Variants in PADI4 observed in about 807,000 individuals in gnomAD.
PADI4 encodes protein-arginine deiminase type-4.
Under a neutral mutation model 75.0 loss-of-function variants are expected in PADI4, and 62 were observed. The observed-to-expected ratio is 0.83, with a 90% confidence interval of 0.67 to 1.02. PADI4 has a LOEUF of 1.02. PADI4 is among the 50% of genes least tolerant of loss of function. The pLI, the probability that PADI4 is intolerant of heterozygous loss-of-function variation, is 0.00. For synonymous variants in PADI4, 361 were observed against 348.1 expected (o/e 1.04, Z -0.41); for missense variants, 845 against 850.5 (o/e 0.99, Z 0.08).
Position 17,331,019 on chromosome 1 carries a change from T to A in PADI4, c.143T>A (p.Val48Glu). The A allele has an allele frequency of 1.9e-6, 3 of 1,604,800 alleles. No homozygotes were observed. Among genetic ancestry groups the A allele is most frequent in the Non-Finnish European group, 2.6e-6 (3 of 1,175,904 alleles). Residue 48 changes from valine to glutamate, a missense_variant, in exon 2 of 16, where the codon GTG becomes GAG. Coordinates refer to ENST00000375448, the MANE Select transcript of PADI4 (RefSeq NM_012387.3). ...TTCAGCATCAACGCCTCCCCAGGGGTGGTCGTGGATATTGCCCACGGCCCT... is the reference window on the plus strand; with the variant it reads ...TTCAGCATCAACGCCTCCCCAGGGGAGGTCGTGGATATTGCCCACGGCCCT... ...TSFSINASPG[V>E]VVDIAHGPPA...
In PADI4 at chr1:17,346,137, CA is replaced by C; in HGVS notation, c.1046del (p.Gln349ArgfsTer28). ...EEENMDDQWM[Q>X]DEMEIGYIQA... ...GGAGAACATGGATGACCAGTGGATG[CA>C]GGTATGTGCCCTGCGGGGCAGGCAG... On this transcript the variant is annotated frameshift_variant and splice_region_variant, in exon 9 of 16. Coordinates refer to ENST00000375448, the MANE Select transcript of PADI4 (RefSeq NM_012387.3). LOFTEE classifies it high-confidence loss of function. The surrounding 1 kb of genome is among the most constrained non-coding windows in gnomAD (Gnocchi z 4.3). 1 of 1,601,522 alleles carries C rather than the reference CA, an allele frequency of 6.2e-7. No individual in the cohort carries two copies. Among genetic ancestry groups the C allele is most frequent in the Non-Finnish European group, 8.6e-7 (1 of 1,168,848 alleles).
At chr1:17,339,055 G>T (rs760554118) in intron 5 of PADI4, among the ~76,000 whole-genome samples, 1 of 152,106 alleles carries the variant, frequency 6.6e-6, no homozygotes, top group Non-Finnish European at 1.5e-5. Flanking sequence ...ACCATTCTAC[G>T]GTGGGTACAA....
At position 17,342,389 on chromosome 1, in the gene PADI4, G is replaced by T; in HGVS notation, c.922G>T (p.Val308Leu). The part of the protein sequence containing the change: ...MTPNTQPPQE[V>L]YACSIFENED... ...CCCCAACACCCAGCCCCCGCAGGAG[G>T]TGTACGCGTGCAGGTGAGAGGTCCT... is the stretch of plus-strand genomic sequence containing the variant. Residue 308 changes from valine to leucine, a missense_variant, in exon 8 of 16, where the codon GTG becomes TTG. Val to Leu is a conservative substitution (Grantham distance 32, BLOSUM62 1). Coordinates refer to ENST00000375448, the MANE Select transcript of PADI4 (RefSeq NM_012387.3). 1.2e-6 allele frequency: 2 copies of T among 1,611,090 alleles called. No individual in the cohort carries two copies. Among genetic ancestry groups the T allele is most frequent in the East Asian group, 4.5e-5 (2 of 44,864 alleles).
intron 1 of PADI4, among the ~76,000 whole-genome samples, chr1:17,325,328 C>G (rs1013929005): frequency 6.6e-6 from 1 of 151,986 alleles, no homozygotes; most frequent in South Asian, 2.1e-4. Flanking sequence ...ATCCTAGGTA[C>G]TTTACAGTAT....
intron 10 of PADI4, 58 bp from the exon 11 acceptor site, chr1:17,354,475 G>T: frequency 6.5e-7 from 1 of 1,530,290 alleles, no homozygotes; most frequent in South Asian, 1.1e-5. Context: ...TGGACCCCCC[G>T]ACCCTTCACC....
At chr1:17,341,770 G>C (rs2074422627) in intron 6 of PADI4, among the ~76,000 whole-genome samples, 173 bp from the exon 7 acceptor site, 1 of 152,228 alleles carries the variant, frequency 6.6e-6, no homozygotes, top group South Asian at 2.1e-4. Flanking sequence ...CAGCGTCCCA[G>C]CTAGAACTTC....
At chr1:17,329,069 A>G (rs4920363) in intron 1 of PADI4, among the ~76,000 whole-genome samples, 82,361 of 147,644 alleles carry the variant, frequency 0.56, 23,185 homozygotes, top group East Asian at 0.59. Flanking sequence ...AAATATTAAT[A>G]TTAATATTTT....
intron 1 of PADI4, among the ~76,000 whole-genome samples, chr1:17,316,732 A>T (rs919460539): frequency 2.7e-5 from 4 of 148,312 alleles, no homozygotes; most frequent in African/African-American, 5.1e-5. Context: ...TTAATTAATT[A>T]AAATAAATAA....
intron 10 of PADI4, among the ~76,000 whole-genome samples, chr1:17,353,373 G>A (rs1263340269): frequency 2.0e-5 from 3 of 152,186 alleles, no homozygotes; most frequent in African/African-American, 4.8e-5. Flanking sequence ...CGGCTGAGAC[G>A]GGACCGTGAT....
chr1:17,344,958 G>A (rs1386151339), intron 8 of PADI4, among the ~76,000 whole-genome samples: 6 of 152,194 alleles, frequency 3.9e-5, no homozygotes, highest in Admixed American at 6.5e-5. Flanking sequence ...CTCCAGAAGG[G>A]TAGATCCACT....
At position 17,328,207 on chromosome 1, in the gene PADI4, A is replaced by G. The variant is rs557133007; in HGVS notation, c.93-2762A>G. 1.4e-4 allele frequency among the ~76,000 whole-genome samples: 21 copies of G among 152,036 alleles called. No homozygotes were observed. The East Asian group carries it at 4.2e-3, about 30-fold the overall frequency. ...CCCAGCTAATTGTTTTATTTTTTGT[A>G]CAGACAGGATCTTCCTATGTTGCCC... On this transcript the variant is annotated intron_variant, in intron 1 of 15. Coordinates refer to ENST00000375448, the MANE Select transcript of PADI4 (RefSeq NM_012387.3).
intron 15 of PADI4, among the ~76,000 whole-genome samples, chr1:17,360,287 T>C (rs1052154239): frequency 6.8e-6 from 1 of 146,470 alleles, no homozygotes; most frequent in African/African-American, 2.6e-5. Context: ...TGAGACTTTG[T>C]CTCGGGAAAA....
chr1:17,332,299 T>G (rs1212839095), intron 2 of PADI4, among the ~76,000 whole-genome samples: 1 of 152,224 alleles, frequency 6.6e-6, no homozygotes, highest in East Asian at 1.9e-4. Context: ...CAGGCTGGAC[T>G]GCAGTGGTGC....
Position 17,363,608 on chromosome 1 carries a change from G to C in PADI4, c.1845G>C (p.Lys615Asn). The change falls in exon 16 of 16, where the codon AAG becomes AAC. Residue 615 changes from lysine to asparagine, a missense_variant. Physicochemically the swap from Lys to Asn is moderately conservative, Grantham distance 94. Coordinates refer to ENST00000375448, the MANE Select transcript of PADI4 (RefSeq NM_012387.3). ...ACGGCCGCTGCTGCCTGGAGGAGAA[G>C]GTGTGTTCCCTGCTGGAGCCACTGG... The part of the protein sequence containing the change: ...VINGRCCLEE[K>N]VCSLLEPLGL... 6.2e-7 allele frequency: 1 copy of C among 1,614,192 alleles called. No individual in the cohort carries two copies.
Position 17,351,408 on chromosome 1 carries a change from T to C in PADI4, c.1156-3125T>C, listed in dbSNP as rs1390161452. Among the ~76,000 whole-genome samples the C allele has an allele frequency of 2.1e-5, 3 of 145,276 alleles. No homozygotes were observed. In the East Asian group the frequency reaches 6.1e-4, roughly 30 times the overall value. ...GAGTTCGAGACCAGCCTAGGCACCATAGTCAAACCCTGTCTCTACAAAAAA... is the reference window on the plus strand; with the variant it reads ...GAGTTCGAGACCAGCCTAGGCACCACAGTCAAACCCTGTCTCTACAAAAAA... On this transcript the variant is annotated intron_variant, in intron 10 of 15. Coordinates refer to ENST00000375448, the MANE Select transcript of PADI4 (RefSeq NM_012387.3).
chr1:17,338,231 G>A (rs1388945307), intron 5 of PADI4, 76 bp downstream of exon 5: 41 of 887,494 alleles, frequency 4.6e-5, no homozygotes, highest in East Asian at 2.5e-5. Context: ...ACCTGGTGAC[G>A]GCCCTCTGAA....
intron 1 of PADI4, among the ~76,000 whole-genome samples, chr1:17,313,105 G>A (rs978245356): frequency 3.3e-5 from 5 of 152,000 alleles, no homozygotes; most frequent in Non-Finnish European, 7.4e-5. Flanking sequence ...CAAGAGAATC[G>A]CTTGAACCTG....
At chr1:17,331,212 C>G (rs1193034420) in intron 2 of PADI4, 63 bp downstream of exon 2, 6 of 1,416,620 alleles carry the variant, frequency 4.2e-6, no homozygotes, top group Non-Finnish European at 5.9e-6. Flanking sequence ...CACACACACT[C>G]TGTCCTGCCG....
chr1:17,353,435 A>G (rs1040622222), intron 10 of PADI4, among the ~76,000 whole-genome samples: 13 of 152,144 alleles, frequency 8.5e-5, no homozygotes, highest in Non-Finnish European at 1.3e-4. Context: ...TTTGAAGATC[A>G]CAGACCTCCT....
Sources: gnomAD v4.1 joint callset for allele counts (sites outside exome capture counted in the v4.1 genomes callset) on GRCh38, gnomAD v4.1.1 for gene constraint, Gnocchi (gnomAD v3.1) non-coding constraint, MANE v1.5 for transcripts, NCBI Gene and HGNC (gene_info 2026-07-23, HGNC 2026-07-21) for gene names.